Variants in VPS13D observed in about 807,000 individuals in gnomAD.
VPS13D encodes intermembrane lipid transfer protein VPS13D.
VPS13D carries 187 observed loss-of-function variants against 461.9 expected under a neutral mutation model. The ratio of observed to expected loss-of-function variants is 0.40; its 90% CI spans 0.36 to 0.46. The LOEUF (loss-of-function observed/expected upper bound fraction) is 0.46, where lower values mean the gene tolerates loss of function less well. Among genes scored for constraint, VPS13D ranks in the 20% least tolerant of loss-of-function variants. VPS13D has a pLI of 0.60. For synonymous variants in VPS13D, 1,951 were observed against 1,986.3 expected (o/e 0.98, Z 0.47); for missense variants, 4,711 against 5,364.9 (o/e 0.88, Z 3.81).
Position 12,266,923 on chromosome 1 carries a change from C to T in VPS13D, c.1637C>T (p.Ser546Leu), listed in dbSNP as rs749682179. The T allele has an allele frequency of 8.7e-6, 14 of 1,604,946 alleles. No individual in the cohort carries two copies. Among genetic ancestry groups the T allele is most frequent in the Non-Finnish European group, 1.1e-5 (13 of 1,177,390 alleles). The change falls in exon 14 of 70, where the codon TCG becomes TTG. Residue 546 changes from serine (S) to leucine (L), a missense_variant. Physicochemically the swap from Ser to Leu is moderately radical, Grantham distance 145. Transcript: ENST00000620676. ...LAESLPRRNS[S>L]LLSVRLGGLF... ...GAGTCTCTTCCTCGAAGAAATTCCT[C>T]GTTGCTTTCAGTCCGGTTGGGTGGA...
chr1:12,426,950 G>A (rs1475156304), intron 65 of VPS13D, among the ~76,000 whole-genome samples: 1 of 152,088 alleles, frequency 6.6e-6, no homozygotes, highest in Non-Finnish European at 1.5e-5. Context: ...GGAGGTGGAG[G>A]TTGCAGTGAG....
At chr1:12,400,091 C>T (rs1238001135) in intron 60 of VPS13D, 90 bp from the exon 61 acceptor site, 22 of 1,438,622 alleles carry the variant, frequency 1.5e-5, no homozygotes, top group East Asian at 6.9e-5. Context: ...GAGCAACCTG[C>T]GCATTATGAG....
At chr1:12,284,646 G>A (rs971014889) in intron 21 of VPS13D, among the ~76,000 whole-genome samples, 19 of 152,348 alleles carry the variant, frequency 1.2e-4, no homozygotes, top group African/African-American at 4.6e-4. Context: ...ACATTTGTGT[G>A]CCTCAAGGAT....
At chr1:12,434,293 T>C (rs1645031869) in intron 65 of VPS13D, among the ~76,000 whole-genome samples, 1 of 152,040 alleles carries the variant, frequency 6.6e-6, no homozygotes, top group South Asian at 2.1e-4. Flanking sequence ...TAGGTACCTA[T>C]TTGTGGTGTG....
intron 64 of VPS13D, 133 bp downstream of exon 64, chr1:12,415,354 C>T (rs572317515): frequency 2.3e-4 from 272 of 1,164,208 alleles, no homozygotes; most frequent in Non-Finnish European, 3.1e-4. Flanking sequence ...TGTTACGGGT[C>T]AGGTCACTTC....
At chr1:12,484,235 C>T (rs1050373675) in intron 67 of VPS13D, among the ~76,000 whole-genome samples, 7 of 152,130 alleles carry the variant, frequency 4.6e-5, no homozygotes, top group East Asian at 3.9e-4. Flanking sequence ...CCAGGAAGCC[C>T]GTCCTACCCT....
intron 18 of VPS13D, among the ~76,000 whole-genome samples, chr1:12,275,370 G>A (rs1465248082): frequency 1.3e-5 from 2 of 150,248 alleles, no homozygotes; most frequent in East Asian, 2.0e-4. Flanking sequence ...AACTGAGATC[G>A]TGCCATTGCA....
chr1:12,399,708 A>C (rs1644548762), intron 60 of VPS13D, among the ~76,000 whole-genome samples: 1 of 150,416 alleles, frequency 6.6e-6, no homozygotes, highest in Non-Finnish European at 1.5e-5. Context: ...AATCCCAGCT[A>C]CTCAGGAGGC....
chr1:12,373,096 T>TTG (rs1553184928), intron 54 of VPS13D, among the ~76,000 whole-genome samples: 2 of 70,492 alleles, frequency 2.8e-5, no homozygotes, highest in African/African-American at 1.6e-4. Context: ...TCTGGCTTGG[T>TTG]TTTTTTTTTT....
At chr1:12,308,401 C>G in intron 26 of VPS13D, 30 bp from the exon 27 acceptor site, 1 of 1,612,514 alleles carries the variant, frequency 6.2e-7, no homozygotes, top group Non-Finnish European at 8.5e-7. Flanking sequence ...CCCTTTTCTT[C>G]ATTACCTCTC....
intron 66 of VPS13D, among the ~76,000 whole-genome samples, chr1:12,456,636 CAAAAAAAAAAAA>C (rs367987300): frequency 0.07 from 5,926 of 84,216 alleles, 216 homozygotes; most frequent in South Asian, 0.13. Flanking sequence ...GACTCCAATT[CAAAAAAAAAAAA>C]AAAAAAAAAA....
At chr1:12,456,844 G>T (rs913870304) in intron 66 of VPS13D, among the ~76,000 whole-genome samples, 1 of 152,146 alleles carries the variant, frequency 6.6e-6, no homozygotes, top group Non-Finnish European at 1.5e-5. Context: ...GTATCATAAG[G>T]TGTAATCAAC....
chr1:12,266,820 T>A (rs1641283215), intron 13 of VPS13D, 61 bp from the exon 14 acceptor site: 1 of 1,350,514 alleles, frequency 7.4e-7, no homozygotes, highest in African/African-American at 1.5e-5. Context: ...TATCTAATAT[T>A]TTCAAAAACA....
chr1:12,413,401 A>G (rs1644754412), intron 63 of VPS13D, among the ~76,000 whole-genome samples: 1 of 151,884 alleles, frequency 6.6e-6, no homozygotes, highest in African/African-American at 2.4e-5. Flanking sequence ...TGAGCCCAGG[A>G]GGTCCAGGCT....
intron 7 of VPS13D, among the ~76,000 whole-genome samples, chr1:12,256,046 T>G (rs1640911245): frequency 6.6e-6 from 1 of 152,170 alleles, no homozygotes; most frequent in South Asian, 2.1e-4. Flanking sequence ...TAAAAACATT[T>G]GCTGTTGGCC....
chr1:12,263,161 GC>G (rs1408699482), intron 13 of VPS13D, among the ~76,000 whole-genome samples: 1 of 151,810 alleles, frequency 6.6e-6, no homozygotes, highest in African/African-American at 2.4e-5. Context: ...TTTTTGTAAC[GC>G]ACATCACAGT....
At position 12,314,235 on chromosome 1, in the gene VPS13D, C is replaced by G. The variant is rs770444197; in HGVS notation, c.7056C>G (p.Ser2352Arg). The part of the protein sequence containing the change: ...FDTRYAGQKT[S>R]PGMTNVFSCI... ...CCCGTTATGCTGGGCAGAAGACCAG[C>G]CCTGGCATGACGAATGTGTTCAGCT... The change falls in exon 30 of 70, where the codon AGC becomes AGG. Residue 2352 changes from serine to arginine, a missense_variant. Ser to Arg is a moderately radical substitution (Grantham distance 110). This residue lies in a region of VPS13D where 4,411 missense variants were observed against 4,937.8 expected (regional missense o/e 0.89). Transcript: ENST00000620676. The G allele has an allele frequency of 6.2e-7, 1 of 1,614,150 alleles. No homozygotes were observed. Among genetic ancestry groups the G allele is most frequent in the Admixed American group, 1.7e-5 (1 of 60,022 alleles).
intron 63 of VPS13D, among the ~76,000 whole-genome samples, chr1:12,411,664 T>A (rs951697028): frequency 6.6e-6 from 1 of 152,220 alleles, no homozygotes. Context: ...TTGTTTACAA[T>A]TCTGTGGGTT....
chr1:12,323,608 C>T (rs1362367448), intron 34 of VPS13D, 98 bp from the exon 35 acceptor site: 2 of 1,206,728 alleles, frequency 1.7e-6, no homozygotes, highest in Non-Finnish European at 2.4e-6. Flanking sequence ...ATGTTTTAGT[C>T]ACGGGTTTTT....
Sources: gnomAD v4.1 joint callset for allele counts (sites outside exome capture counted in the v4.1 genomes callset) on GRCh38, gnomAD v4.1.1 for gene constraint, gnomAD v4.1.1 regional missense constraint, MANE v1.5 for transcripts, NCBI Gene and HGNC (gene_info 2026-07-23, HGNC 2026-07-21) for gene names.